The following HELZ variants were observed in gnomAD, a reference collection of about 807,000 sequenced individuals.
The protein encoded by HELZ is ATP-dependent RNA helicase with zinc finger domain.
In HELZ, 23 loss-of-function variants were observed where a neutral mutation model predicts 218.2. That is an observed-to-expected ratio of 0.11 (90% CI 0.08 to 0.15). The LOEUF (loss-of-function observed/expected upper bound fraction) is 0.15. Among genes scored for constraint, HELZ ranks in the 10% least tolerant of loss-of-function variants. The pLI is 1.00. For missense variants in HELZ, 1,813 were observed against 2,353.7 expected, an observed-to-expected ratio of 0.77 and a Z score of 4.75; for synonymous variants, 814 against 829.4, an observed-to-expected ratio of 0.98 and a Z score of 0.32.
In HELZ at chr17:67,174,477, C is replaced by T. The variant is rs545616104; in HGVS notation, c.1430+4182G>A. On this transcript the variant is annotated intron_variant, in intron 13 of 32. Coordinates refer to ENST00000358691, the MANE Select transcript of HELZ (RefSeq NM_014877.4). ...CAAAATGTAAGAAACTAGTATGAAGCCCCTTGATACTACTTTCGTGATTAG... is the reference window on the plus strand; with the variant it reads ...CAAAATGTAAGAAACTAGTATGAAGTCCCTTGATACTACTTTCGTGATTAG... 2.0e-5 allele frequency among the ~76,000 whole-genome samples: 3 copies of T among 152,240 alleles called. No homozygotes were observed. The South Asian group carries it at 6.2e-4, about 32-fold the overall frequency.
At chr17:67,210,878 C>T (rs902887129) in intron 5 of HELZ, among the ~76,000 whole-genome samples, 2 of 151,912 alleles carry the variant, frequency 1.3e-5, no homozygotes, top group Admixed American at 6.6e-5. Flanking sequence ...GCTGTGATCA[C>T]GCCACTGCAT....
chr17:67,101,997 C>T (rs1034634647), intron 31 of HELZ, among the ~76,000 whole-genome samples: 1 of 152,152 alleles, frequency 6.6e-6, no homozygotes, highest in African/African-American at 2.4e-5. Context: ...CTGTAAGGAC[C>T]GGAAGTGGGA....
chr17:67,233,516 G>A (rs2041093889), intron 3 of HELZ, among the ~76,000 whole-genome samples: 1 of 152,152 alleles, frequency 6.6e-6, no homozygotes, highest in Non-Finnish European at 1.5e-5. Context: ...AAAAGTCATG[G>A]ACTGGGAATC....
intron 13 of HELZ, among the ~76,000 whole-genome samples, chr17:67,177,047 A>G (rs1490909109): frequency 1.3e-5 from 2 of 150,608 alleles, no homozygotes; most frequent in Non-Finnish European, 2.9e-5. Context: ...ATCATAGCTC[A>G]CTGAAGCCTA....
chr17:67,160,250 A>G lies in HELZ; in HGVS notation c.2177+11T>C. ...ATGATACAGATACATAATAAGCCTT[A>G]AAAAAAATACCTGAGAGGTCTTGCC... On this transcript the variant is annotated intron_variant, in intron 17 of 32. Transcript: ENST00000358691. 1 of 1,453,920 alleles carries G rather than the reference A, an allele frequency of 6.9e-7. No homozygotes were observed. The highest frequency in any genetic ancestry group is 1.1e-5 in the South Asian group (1 of 87,360). 90.1% of individuals were successfully genotyped at this position (1,453,920 alleles called of 1,614,324 possible). A position where few individuals can be genotyped will look rare whatever the true frequency, so the allele number is the denominator to read the frequency against.
At chr17:67,226,396 A>G (rs2040893795) in intron 3 of HELZ, among the ~76,000 whole-genome samples, 2 of 152,226 alleles carry the variant, frequency 1.3e-5, no homozygotes, top group Non-Finnish European at 2.9e-5. Flanking sequence ...ATAAGCACAT[A>G]AAAGATGTTC....
intron 28 of HELZ, 151 bp from the exon 29 acceptor site, chr17:67,109,837 T>C: frequency 1.9e-6 from 1 of 529,662 alleles, no homozygotes; most frequent in East Asian, 3.1e-5. Flanking sequence ...TTTCTCACAA[T>C]CAAATAAAGG....
chr17:67,194,160 G>T, intron 8 of HELZ, 118 bp from the exon 9 acceptor site: 1 of 696,074 alleles, frequency 1.4e-6, no homozygotes, highest in Non-Finnish European at 2.4e-6. Context: ...ATGTAAAAAA[G>T]AACATGACAT....
At chr17:67,079,660 G>A (rs932376477) in intron 32 of HELZ, among the ~76,000 whole-genome samples, 14 of 152,174 alleles carry the variant, frequency 9.2e-5, no homozygotes, top group African/African-American at 3.1e-4. Context: ...CTGCCCATGT[G>A]TACTCAGCCA....
chr17:67,191,763 CTTTT>C (rs71139120), intron 9 of HELZ, among the ~76,000 whole-genome samples: 1 of 132,514 alleles, frequency 7.5e-6, no homozygotes, highest in Non-Finnish European at 1.6e-5. Flanking sequence ...TGATCATTAA[CTTTT>C]TTTTTTTTTT....
chr17:67,201,239 A>G (rs1490260838), intron 6 of HELZ, 54 bp from the exon 7 acceptor site: 2 of 1,159,446 alleles, frequency 1.7e-6, no homozygotes, highest in Admixed American at 1.9e-5. Flanking sequence ...ATTCTTTACT[A>G]TGGCAACTTA....
rs1326489603 is a variant in HELZ, at chr17:67,148,622, G to A, written c.2568C>T (p.Phe856=). 1 of 1,613,786 alleles carries A rather than the reference G, an allele frequency of 6.2e-7. No individual in the cohort carries two copies. Among genetic ancestry groups the A allele is most frequent in the Admixed American group, 1.7e-5 (1 of 59,992 alleles). ...TCTCACACAGGAGAATCCTACATGG[G>A]AACTCAGCAGGGTAATGCTCATAGA... ...DRLYEHYPAE[F]PCRILLCENY... is the part of the protein sequence containing the mutation. The change falls in exon 20 of 33, where the codon TTC becomes TTT. Residue 856 remains phenylalanine (F), a synonymous_variant. Coordinates refer to ENST00000358691, the MANE Select transcript of HELZ (RefSeq NM_014877.4).
At chr17:67,201,107 G>A (rs766509990) in intron 7 of HELZ, 22 bp downstream of exon 7, 5 of 1,540,428 alleles carry the variant, frequency 3.2e-6, no homozygotes, top group South Asian at 2.2e-5. Flanking sequence ...TCTTCCAAAC[G>A]GATCCACTGA....
rs898175313 is a variant in HELZ, at chr17:67,094,741, G to C, written c.5242-7660C>G. Among the ~76,000 whole-genome samples, 4 of 152,106 alleles carry C rather than the reference G, an allele frequency of 2.6e-5. No homozygotes were observed. The South Asian group carries it at 8.3e-4, about 32-fold the overall frequency. On this transcript the variant is annotated intron_variant, in intron 31 of 32. Transcript: ENST00000358691. ...TGAGTTTGAGGCTTAAGTGAGTTAT[G>C]ATCACACCCATGAATAGCCACTGCA...
chr17:67,086,932 G>A lies in HELZ; in HGVS notation c.5391C>T (p.Asn1797=). ...LQDHSNQSSF[N]FSSPESWVNT... ...TTACCCAGGACTCCGGGGATGAAAA[G>A]TTGAAAGAAGATTGGTTACTGTGGT... is the stretch of plus-strand genomic sequence containing the variant. The change falls in exon 32 of 33, where the codon AAC becomes AAT. Residue 1797 remains asparagine (N), a synonymous_variant. Transcript: ENST00000358691. 3 of 1,613,848 alleles carry A rather than the reference G, an allele frequency of 1.9e-6. No individual in the cohort carries two copies. The highest frequency in any genetic ancestry group is 2.2e-5 in the East Asian group (1 of 44,846).
At position 67,218,584 on chromosome 17, in the gene HELZ, T is replaced by C; in HGVS notation, c.210+11A>G. 1.3e-6 allele frequency: 2 copies of C among 1,590,260 alleles called. No homozygotes were observed. Among genetic ancestry groups the C allele is most frequent in the South Asian group, 1.1e-5 (1 of 90,558 alleles). On this transcript the variant is annotated intron_variant, in intron 4 of 32. Coordinates refer to ENST00000358691, the MANE Select transcript of HELZ (RefSeq NM_014877.4). ...TAGTTCAGCATTGGCTTATTGACAG[T>C]GTTTACTCACCAGTTGCAAAAATGA...
chr17:67,107,153 A>G lies in HELZ; in HGVS notation c.5241+16T>C. 6.3e-7 allele frequency: 1 copy of G among 1,576,536 alleles called. No individual in the cohort carries two copies. The highest frequency in any genetic ancestry group is 1.2e-5 in the South Asian group (1 of 85,370). On this transcript the variant is annotated intron_variant, in intron 31 of 32. Coordinates refer to ENST00000358691, the MANE Select transcript of HELZ (RefSeq NM_014877.4). Reference sequence around the variant, plus strand: ...ACAATCAGCTAATAACAAAAGGAAAATAAGAAGACATTTACCTCTTCTAAG... The same window carrying G: ...ACAATCAGCTAATAACAAAAGGAAAGTAAGAAGACATTTACCTCTTCTAAG...
At chr17:67,242,499 TC>T (rs2041346530) in intron 2 of HELZ, among the ~76,000 whole-genome samples, 1 of 83,844 alleles carries the variant, frequency 1.2e-5, no homozygotes, top group East Asian at 3.5e-4. Flanking sequence ...TACACACATA[TC>T]TATACACACA....
At position 67,084,434 on chromosome 17, in the gene HELZ, G is replaced by A. The variant is rs186113887; in HGVS notation, c.5494+2395C>T. 8.3e-3 allele frequency among the ~76,000 whole-genome samples: 1,263 copies of A among 151,886 alleles called. 20 individuals carry two copies. Among genetic ancestry groups the A allele is most frequent in the African/African-American group, 0.026 (1,071 of 41,458 alleles). ...TCCCAGCACTTTGGGAGGCCGAGGC[G>A]GGCGGATCACAAGGTCAGGAGATCG... is the stretch of plus-strand genomic sequence containing the variant. On this transcript the variant is annotated intron_variant, in intron 32 of 32. Coordinates refer to ENST00000358691, the MANE Select transcript of HELZ (RefSeq NM_014877.4).
Sources: allele counts gnomAD v4.1 joint callset (sites outside exome capture counted in the v4.1 genomes callset), GRCh38; gene constraint gnomAD v4.1.1; transcripts MANE v1.5; gene names NCBI Gene and HGNC (gene_info 2026-07-23, HGNC 2026-07-21).